The following TBC1D5 variants were observed in gnomAD, a reference collection of about 807,000 sequenced individuals.
TBC1D5 encodes TBC1 domain family, member 5.
A neutral mutation model predicts 100.3 loss-of-function variants in TBC1D5; 75 were observed. The ratio of observed to expected loss-of-function variants is 0.75; its 90% CI spans 0.62 to 0.91. The LOEUF (loss-of-function observed/expected upper bound fraction) is 0.91. TBC1D5 is among the 40% of genes least tolerant of loss of function. The pLI, the probability that TBC1D5 is intolerant of heterozygous loss-of-function variation, is 0.00. For missense variants in TBC1D5, 910 were observed against 942.4 expected (o/e 0.97, Z 0.45); for synonymous variants, 323 against 325.6 (o/e 0.99, Z 0.09).
At chr3:17,736,891 T>C (rs984215746) in intron 1 of TBC1D5, among the ~76,000 whole-genome samples, 13 of 152,080 alleles carry the variant, frequency 8.5e-5, no homozygotes, top group African/African-American at 3.1e-4. Flanking sequence ...CATGTACCTA[T>C]AGTCCCAGCC....
At chr3:17,620,462 A>C (rs193014875) in intron 2 of TBC1D5, among the ~76,000 whole-genome samples, 18 of 152,356 alleles carry the variant, frequency 1.2e-4, no homozygotes, top group Non-Finnish European at 2.5e-4. Context: ...AGTAGTAAGC[A>C]CCTGCAAAAA....
At chr3:17,300,208 C>T (rs1056453730) in intron 14 of TBC1D5, among the ~76,000 whole-genome samples, 2 of 152,124 alleles carry the variant, frequency 1.3e-5, no homozygotes, top group African/African-American at 4.8e-5. Context: ...ACAACTGACA[C>T]CATTTTATGT....
intron 2 of TBC1D5, among the ~76,000 whole-genome samples, chr3:17,570,325 A>C (rs2096619423): frequency 6.6e-6 from 1 of 151,930 alleles, no homozygotes; most frequent in African/African-American, 2.4e-5. Flanking sequence ...TTTTTCCCCT[A>C]ACACTCAAAA....
At chr3:17,557,542 T>TTTGTTGTTGTTG in intron 2 of TBC1D5, among the ~76,000 whole-genome samples, 1 of 152,252 alleles carries the variant, frequency 6.6e-6, no homozygotes, top group South Asian at 2.1e-4. Context: ...TTTTGTTTGT[T>TTTGTTGTTGTTG]TTGTTGTTGT....
chr3:17,236,537 G>C (rs573745731), intron 17 of TBC1D5, among the ~76,000 whole-genome samples: 193 of 151,126 alleles, frequency 1.3e-3, no homozygotes, highest in African/African-American at 4.5e-3. Context: ...CCAGGCTGGA[G>C]TGCAGTGGCA....
At chr3:17,332,475 G>A (rs947850338) in intron 13 of TBC1D5, among the ~76,000 whole-genome samples, 6 of 152,084 alleles carry the variant, frequency 3.9e-5, no homozygotes, top group African/African-American at 1.4e-4. Context: ...AGAAGCACAG[G>A]TAGAGATATA....
chr3:17,452,584 A>G (rs1464618341), intron 3 of TBC1D5, among the ~76,000 whole-genome samples: 1 of 152,174 alleles, frequency 6.6e-6, no homozygotes, highest in African/African-American at 2.4e-5. Flanking sequence ...TTATATAATG[A>G]AAAAAGGGTC....
chr3:17,659,138 A>G (rs2066405338), intron 1 of TBC1D5, among the ~76,000 whole-genome samples: 1 of 152,186 alleles, frequency 6.6e-6, no homozygotes, highest in Non-Finnish European at 1.5e-5. Context: ...AATGAGATCT[A>G]CCATTGAGAA....
chr3:17,425,118 A>T, intron 4 of TBC1D5, among the ~76,000 whole-genome samples: 1 of 152,248 alleles, frequency 6.6e-6, no homozygotes, highest in Non-Finnish European at 1.5e-5. Flanking sequence ...AAGGTTAGTG[A>T]TGATGACAAT....
chr3:17,383,688 C>T (rs191301601), intron 9 of TBC1D5, among the ~76,000 whole-genome samples: 1 of 152,010 alleles, frequency 6.6e-6, no homozygotes, highest in African/African-American at 2.4e-5. Context: ...AGATTGAACA[C>T]CTTCTAGAAG....
At chr3:17,368,092 T>C (rs1313997643) in intron 13 of TBC1D5, among the ~76,000 whole-genome samples, 2 of 118,990 alleles carry the variant, frequency 1.7e-5, no homozygotes. Flanking sequence ...CAAAAAATTT[T>C]TAATCATCCA....
chr3:17,608,281 G>C (rs1475946954), intron 2 of TBC1D5, among the ~76,000 whole-genome samples: 3 of 151,948 alleles, frequency 2.0e-5, no homozygotes, highest in African/African-American at 4.8e-5. Context: ...AAAAGAGTAA[G>C]ACACAGATGC....
chr3:17,738,785 C>A (rs552610864), intron 1 of TBC1D5, among the ~76,000 whole-genome samples: 18 of 152,304 alleles, frequency 1.2e-4, no homozygotes, highest in South Asian at 1.0e-3. Context: ...TCCAAAAGAA[C>A]AAGAGAGAAT....
At chr3:17,541,494 T>A (rs1405706915) in intron 2 of TBC1D5, among the ~76,000 whole-genome samples, 1 of 152,322 alleles carries the variant, frequency 6.6e-6, no homozygotes, top group East Asian at 1.9e-4. Context: ...TCAGACTACT[T>A]ATTATTAGTG....
At chr3:17,241,751 T>A (rs933511797) in intron 16 of TBC1D5, among the ~76,000 whole-genome samples, 1 of 152,216 alleles carries the variant, frequency 6.6e-6, no homozygotes, top group Admixed American at 6.5e-5. Flanking sequence ...CTATACAAAG[T>A]TAGCAGAGAA....
intron 2 of TBC1D5, among the ~76,000 whole-genome samples, chr3:17,543,976 G>T (rs111651075): frequency 0.069 from 10,472 of 151,420 alleles, 716 homozygotes; most frequent in African/African-American, 0.18. Flanking sequence ...CAAGCGATTC[G>T]CCTGCCTCAG....
chr3:17,508,746 T>C (rs2095870440), intron 2 of TBC1D5, 141 bp from the exon 3 acceptor site: 5 of 386,356 alleles, frequency 1.3e-5, no homozygotes, highest in South Asian at 6.4e-5. Context: ...TTATCTCACA[T>C]TGGTAGGCTT....
intron 8 of TBC1D5, among the ~76,000 whole-genome samples, 196 bp from the exon 9 acceptor site, chr3:17,384,211 A>G (rs143815255): frequency 6.6e-6 from 1 of 152,208 alleles, no homozygotes; most frequent in East Asian, 1.9e-4. Flanking sequence ...GAGGTAAATT[A>G]CATCCTTCAA....
chr3:17,372,110 C>T, exon 13 of TBC1D5: 2 of 1,613,444 alleles, frequency 1.2e-6, no homozygotes, highest in Non-Finnish European at 1.7e-6. Context: ...CTAGTCTGTT[C>T]AAGTGCATGT....
Sources: allele counts gnomAD v4.1 joint callset (sites outside exome capture counted in the v4.1 genomes callset), GRCh38; gene constraint gnomAD v4.1.1; transcripts MANE v1.5; gene names NCBI Gene and HGNC (gene_info 2026-07-23, HGNC 2026-07-21).